Variants in CRACR2A observed in about 807,000 individuals in gnomAD.
The protein encoded by CRACR2A is EF-hand calcium-binding domain-containing protein 4B.
In CRACR2A, 79 loss-of-function variants were observed where a neutral mutation model predicts 90.5. The ratio of observed to expected loss-of-function variants is 0.87; its 90% CI spans 0.73 to 1.05. CRACR2A has a LOEUF of 1.05. Ranked by LOEUF, CRACR2A falls within the 50% of genes least tolerant of loss-of-function variation. The pLI, the probability that CRACR2A is intolerant of heterozygous loss-of-function variation, is 0.00. For synonymous variants in CRACR2A, 338 were observed against 356.7 expected (o/e 0.95, Z 0.59); for missense variants, 823 against 897.2 (o/e 0.92, Z 1.06).
In CRACR2A at chr12:3,641,280, G is replaced by T. The variant is rs150721154; in HGVS notation, c.1271+452C>A. On this transcript the variant is annotated intron_variant, in intron 13 of 19. Transcript: ENST00000440314. ...AATCGCTTGAACCTGGGAGGCAAAG[G>T]TTGCAGTGAGCCGAGATTGCACCAC... Among the ~76,000 whole-genome samples the T allele has an allele frequency of 8.4e-4, 128 of 152,236 alleles. 2 individuals are homozygous for T. In the East Asian group the frequency reaches 0.023, roughly 28 times the overall value.
At chr12:3,716,434 C>T (rs241987) in intron 2 of CRACR2A, among the ~76,000 whole-genome samples, 82,930 of 152,064 alleles carry the variant, frequency 0.55, 22,971 homozygotes, top group African/African-American at 0.62. Flanking sequence ...TTGTCAAACA[C>T]TGAGTGGAAA....
intron 1 of CRACR2A, among the ~76,000 whole-genome samples, chr12:3,749,165 A>G (rs1013341274): frequency 6.6e-6 from 1 of 152,238 alleles, no homozygotes; most frequent in African/African-American, 2.4e-5. Flanking sequence ...TGAGGCTTCC[A>G]TAAGGGAATA....
chr12:3,693,010 C>T (rs1270420160), intron 4 of CRACR2A, among the ~76,000 whole-genome samples: 1 of 152,256 alleles, frequency 6.6e-6, no homozygotes, highest in Admixed American at 6.5e-5. Flanking sequence ...CCCAACGCTC[C>T]AACTGCAATG....
intron 4 of CRACR2A, among the ~76,000 whole-genome samples, chr12:3,683,700 G>A (rs1945498470): frequency 6.6e-6 from 1 of 152,212 alleles, no homozygotes; most frequent in Non-Finnish European, 1.5e-5. Flanking sequence ...TGCTCCCTCA[G>A]TGCTCTGAGA....
At chr12:3,700,038 C>A (rs1031411492) in intron 3 of CRACR2A, among the ~76,000 whole-genome samples, 1 of 152,104 alleles carries the variant, frequency 6.6e-6, no homozygotes, top group Non-Finnish European at 1.5e-5. Context: ...TTTCAAGACA[C>A]TAGACACCAG....
intron 17 of CRACR2A, among the ~76,000 whole-genome samples, chr12:3,621,049 A>T (rs1944120460): frequency 6.6e-6 from 1 of 152,224 alleles, no homozygotes; most frequent in African/African-American, 2.4e-5. Flanking sequence ...AAGGAGGAGG[A>T]AGCAGGGAAA....
chr12:3,738,214 C>T (rs985791207), intron 1 of CRACR2A, among the ~76,000 whole-genome samples: 5 of 152,284 alleles, frequency 3.3e-5, no homozygotes, highest in African/African-American at 1.2e-4. Context: ...CCTAGATGGA[C>T]CTTACCACTA....
chr12:3,723,565 T>A (rs1419711024), intron 2 of CRACR2A, among the ~76,000 whole-genome samples: 1 of 151,916 alleles, frequency 6.6e-6, no homozygotes, highest in Non-Finnish European at 1.5e-5. Flanking sequence ...CCCCTAGGTG[T>A]CCCTAGGGGC....
At chr12:3,745,711 T>G (rs1946602777) in intron 1 of CRACR2A, among the ~76,000 whole-genome samples, 1 of 150,542 alleles carries the variant, frequency 6.6e-6, no homozygotes, top group South Asian at 2.1e-4. Flanking sequence ...GAGGTGTAGG[T>G]AGGTTGCAGT....
Position 3,648,601 on chromosome 12 carries a change from A to T in CRACR2A, c.1059T>A (p.Arg353=). 2 of 1,613,986 alleles carry T rather than the reference A, an allele frequency of 1.2e-6. No homozygotes were observed. Among genetic ancestry groups the T allele is most frequent in the Non-Finnish European group, 8.5e-7 (1 of 1,179,944 alleles). The change falls in exon 11 of 20, where the codon CGT becomes CGA. Residue 353 remains arginine (R), a synonymous_variant. Transcript: ENST00000440314. ...TCTCACGCTGTAGACTCTCCGTCAC[A>T]CGGTACACTTCCCTGAGGAGGAGGC... ...LHQEKEMEVY[R]VTESLQREKA...
chr12:3,719,643 T>C (rs1946127936), intron 2 of CRACR2A, among the ~76,000 whole-genome samples: 1 of 152,230 alleles, frequency 6.6e-6, no homozygotes, highest in Non-Finnish European at 1.5e-5. Context: ...CCCTCTGAGA[T>C]ATTTAATACT....
At chr12:3,652,415 T>C (rs1443938503) in intron 10 of CRACR2A, among the ~76,000 whole-genome samples, 1 of 152,202 alleles carries the variant, frequency 6.6e-6, no homozygotes, top group African/African-American at 2.4e-5. Flanking sequence ...AGAATTGGAA[T>C]GGAGGGGCTT....
Position 3,633,909 on chromosome 12 carries a change from C to A in CRACR2A, c.1603-173G>T, listed in dbSNP as rs1264673204. Among the ~76,000 whole-genome samples the A allele has an allele frequency of 1.3e-5, 2 of 152,204 alleles. No individual in the cohort carries two copies. The highest frequency in any genetic ancestry group is 4.8e-5 in the African/African-American group (2 of 41,450). On this transcript the variant is annotated intron_variant, in intron 14 of 19. Coordinates refer to ENST00000440314, the MANE Select transcript of CRACR2A (RefSeq NM_001144958.2). The surrounding 1 kb of genome is among the most constrained non-coding windows in gnomAD (Gnocchi z 4.5). Reference sequence around the variant, plus strand: ...TCAGAATGCAGTGAGCATAGTCGGTCTTGGGGCATGGAGGCTTTTTCCAGC... The same window carrying A: ...TCAGAATGCAGTGAGCATAGTCGGTATTGGGGCATGGAGGCTTTTTCCAGC...
intron 4 of CRACR2A, among the ~76,000 whole-genome samples, chr12:3,695,676 T>C (rs914408383): frequency 6.6e-6 from 1 of 152,150 alleles, no homozygotes; most frequent in Non-Finnish European, 1.5e-5. Context: ...AAACTAGACT[T>C]AAAGAAAGAG....
intron 17 of CRACR2A, among the ~76,000 whole-genome samples, chr12:3,624,267 T>C (rs1944213612): frequency 6.6e-6 from 1 of 152,204 alleles, no homozygotes; most frequent in Non-Finnish European, 1.5e-5. Context: ...CTTCAGAACC[T>C]TGAAGACTGT....
intron 6 of CRACR2A, among the ~76,000 whole-genome samples, chr12:3,674,220 C>T (rs770479500): frequency 2.0e-5 from 3 of 152,202 alleles, no homozygotes; most frequent in Non-Finnish European, 2.9e-5. Flanking sequence ...CAGCACCCCA[C>T]TGTGGCCTAG....
At chr12:3,745,825 T>TAAAATAAAATAAAATAAAAAAAAG (rs149739964) in intron 1 of CRACR2A, among the ~76,000 whole-genome samples, 1 of 100,486 alleles carries the variant, frequency 1.0e-5, no homozygotes, top group African/African-American at 4.0e-5. Flanking sequence ...TAAAATAAAA[T>TAAAATAAAATAAAATAAAAAAAAG]AAAGAAAGAA....
intron 7 of CRACR2A, among the ~76,000 whole-genome samples, chr12:3,661,481 A>T (rs2137511304): frequency 6.6e-6 from 1 of 152,370 alleles, no homozygotes. Context: ...TACGTCCTGC[A>T]TCCCTTACTC....
chr12:3,662,721 G>T lies in CRACR2A; in HGVS notation c.672-3067C>A, dbSNP rs558937749. Among the ~76,000 whole-genome samples the T allele has an allele frequency of 2.0e-5, 3 of 152,338 alleles. No homozygotes were observed. The South Asian group carries it at 6.2e-4, about 32-fold the overall frequency. On this transcript the variant is annotated intron_variant, in intron 7 of 19. Transcript: ENST00000440314. Reference sequence around the variant, plus strand: ...TCAGACCAATCCATTGGAGACCCAGGCTGTGTGTGAGCAGGAGCTGCAGAG... The same window carrying T: ...TCAGACCAATCCATTGGAGACCCAGTCTGTGTGTGAGCAGGAGCTGCAGAG...
Sources: allele counts gnomAD v4.1 joint callset (sites outside exome capture counted in the v4.1 genomes callset), GRCh38; gene constraint gnomAD v4.1.1; non-coding constraint Gnocchi (gnomAD v3.1); transcripts MANE v1.5; gene names NCBI Gene and HGNC (gene_info 2026-07-23, HGNC 2026-07-21).